Variants in ZNF608 observed in about 807,000 individuals in gnomAD.
The protein encoded by ZNF608 is zinc finger protein 608.
A neutral mutation model predicts 109.0 loss-of-function variants in ZNF608; 12 were observed. The ratio of observed to expected loss-of-function variants is 0.11; its 90% CI spans 0.07 to 0.18. ZNF608 has a LOEUF of 0.18. Among genes scored for constraint, ZNF608 ranks in the 10% least tolerant of loss-of-function variants. The pLI, the probability that ZNF608 is intolerant of heterozygous loss-of-function variation, is 1.00. For synonymous variants in ZNF608, 732 were observed against 717.4 expected (o/e 1.02, Z -0.33); for missense variants, 1,707 against 1,879.3 (o/e 0.91, Z 1.70).
intron 2 of ZNF608, among the ~76,000 whole-genome samples, chr5:124,721,123 C>T (rs1439858803): frequency 6.6e-6 from 1 of 152,114 alleles, no homozygotes; most frequent in Non-Finnish European, 1.5e-5. Context: ...ACTCAATAGG[C>T]ATGCTCTACC....
chr5:124,642,441 C>T (rs560421946), intron 7 of ZNF608, among the ~76,000 whole-genome samples: 14 of 152,278 alleles, frequency 9.2e-5, no homozygotes, highest in East Asian at 1.9e-4. Flanking sequence ...TTACATGTCA[C>T]GGGCACTCAG....
At chr5:124,681,816 A>C (rs1295361996) in intron 3 of ZNF608, among the ~76,000 whole-genome samples, 1 of 152,146 alleles carries the variant, frequency 6.6e-6, no homozygotes, top group Non-Finnish European at 1.5e-5. Context: ...GAAAAGATGA[A>C]AGTTTCTGGG....
At chr5:124,709,476 A>G in intron 2 of ZNF608, among the ~76,000 whole-genome samples, 1 of 152,200 alleles carries the variant, frequency 6.6e-6, no homozygotes, top group East Asian at 1.9e-4. Context: ...TTATGAAGCC[A>G]AATTAAATTC....
At chr5:124,643,746 G>C in intron 6 of ZNF608, 63 bp from the exon 7 acceptor site, 1 of 1,549,488 alleles carries the variant, frequency 6.5e-7, no homozygotes, top group Non-Finnish European at 8.8e-7. Flanking sequence ...AAATCATTTG[G>C]GTTACATGAA....
At chr5:124,703,429 G>A (rs922165774) in intron 2 of ZNF608, among the ~76,000 whole-genome samples, 1 of 152,084 alleles carries the variant, frequency 6.6e-6, no homozygotes, top group Non-Finnish European at 1.5e-5. Context: ...TATGACCCTG[G>A]AGAGTCATTC....
At chr5:124,645,626 G>T (rs1750462552) in intron 5 of ZNF608, among the ~76,000 whole-genome samples, 1 of 152,102 alleles carries the variant, frequency 6.6e-6, no homozygotes, top group Admixed American at 6.5e-5. Flanking sequence ...ATGCTCACGG[G>T]GTTGCAGTGG....
At position 124,647,091 on chromosome 5, in the gene ZNF608, C is replaced by A; in HGVS notation, c.3293G>T (p.Ser1098Ile). The A allele has an allele frequency of 6.2e-7, 1 of 1,614,106 alleles. No individual in the cohort carries two copies. ...YMDQKSLMAT[S>I]PAYRQQYEKY... The stretch of plus-strand genomic sequence containing the variant: ...CTCATACTGCTGTCTATAGGCAGGG[C>A]TGGTGGCCATCAGAGACTTCTGGTC... The change falls in exon 5 of 10, where the codon AGC (serine) becomes ATC (isoleucine). Residue 1098 changes from serine to isoleucine, a missense_variant. Physicochemically the swap from Ser to Ile is moderately radical, Grantham distance 142. This residue lies in a region of ZNF608 where 1,073 missense variants were observed against 1,133.5 expected (regional missense o/e 0.95). Transcript: ENST00000513986.
chr5:124,675,476 G>A (rs1016856654), intron 3 of ZNF608, among the ~76,000 whole-genome samples: 3 of 152,146 alleles, frequency 2.0e-5, no homozygotes, highest in African/African-American at 7.2e-5. Flanking sequence ...GGCTAGTATG[G>A]CCAGTGGCAG....
intron 2 of ZNF608, among the ~76,000 whole-genome samples, chr5:124,728,328 A>C (rs1748714575): frequency 6.6e-6 from 1 of 152,220 alleles, no homozygotes; most frequent in Non-Finnish European, 1.5e-5. Flanking sequence ...CTTTAGGTGG[A>C]TAGGAACATA....
At chr5:124,686,769 C>G (rs1244359287) in intron 3 of ZNF608, among the ~76,000 whole-genome samples, 1 of 152,206 alleles carries the variant, frequency 6.6e-6, no homozygotes. Flanking sequence ...TGTCTGTCAA[C>G]ATGGATATGA....
intron 2 of ZNF608, among the ~76,000 whole-genome samples, chr5:124,723,396 A>T (rs1264089179): frequency 6.6e-6 from 1 of 152,210 alleles, no homozygotes; most frequent in Non-Finnish European, 1.5e-5. Context: ...GTTAATAAAT[A>T]AAAATGTTTG....
chr5:124,729,655 G>A (rs1047920881), intron 2 of ZNF608, among the ~76,000 whole-genome samples: 1 of 152,126 alleles, frequency 6.6e-6, no homozygotes, highest in South Asian at 2.1e-4. Flanking sequence ...ATATCTATGT[G>A]TGTTTATAAA....
At chr5:124,699,734 A>G (rs1266956172) in intron 3 of ZNF608, among the ~76,000 whole-genome samples, 1 of 152,214 alleles carries the variant, frequency 6.6e-6, no homozygotes, top group African/African-American at 2.4e-5. Flanking sequence ...GCTGTTTTCT[A>G]TCTTTTAAGA....
intron 3 of ZNF608, among the ~76,000 whole-genome samples, chr5:124,671,641 CTT>C (rs66998925): frequency 1.4e-3 from 177 of 129,708 alleles, no homozygotes; most frequent in Middle Eastern, 4.1e-3. Context: ...TGGGGCTTCT[CTT>C]TTTTTTTTTT....
rs535555616 is a variant in ZNF608, at chr5:124,642,047, T to C, written c.4297-642A>G. ...AACCACCCTTTAACTAAAGTTATAC[T>C]TCTCACTTAAAAGAAATCCTTGTAC... On this transcript the variant is annotated intron_variant, in intron 7 of 9. Coordinates refer to ENST00000513986, the MANE Select transcript of ZNF608 (RefSeq NM_020747.3). Among the ~76,000 whole-genome samples, 5 of 152,350 alleles carry C rather than the reference T, an allele frequency of 3.3e-5. No homozygotes were observed. In the South Asian group the frequency reaches 1.0e-3, roughly 32 times the overall value.
Position 124,648,830 on chromosome 5 carries a change from C to A in ZNF608, c.1554G>T (p.Lys518Asn). ...LDLNSSSEDN[K>N]PGKRVRTNSR... The stretch of plus-strand genomic sequence containing the variant: ...AATTTGTGCGGACACGCTTTCCAGG[C>A]TTATTGTCCTCAGAGCTGGAGTTCA... The change falls in exon 5 of 10, where the codon AAG (lysine) becomes AAT (asparagine). Residue 518 changes from lysine to asparagine, a missense_variant. Transcript: ENST00000513986. 6.2e-7 allele frequency: 1 copy of A among 1,614,124 alleles called. No individual in the cohort carries two copies. Among genetic ancestry groups the A allele is most frequent in the Admixed American group, 1.7e-5 (1 of 60,034 alleles).
At chr5:124,729,353 T>A (rs1204718135) in intron 2 of ZNF608, among the ~76,000 whole-genome samples, 1 of 152,108 alleles carries the variant, frequency 6.6e-6, no homozygotes, top group Non-Finnish European at 1.5e-5. Flanking sequence ...AGGTCCTGAG[T>A]GAGAGGGACA....
chr5:124,711,076 A>G (rs1753469387), intron 2 of ZNF608, among the ~76,000 whole-genome samples: 2 of 152,326 alleles, frequency 1.3e-5, no homozygotes, highest in South Asian at 4.1e-4. Flanking sequence ...AATGAGGTCT[A>G]TCATGCCCCC....
At chr5:124,738,405 C>A (rs958590925) in intron 2 of ZNF608, among the ~76,000 whole-genome samples, 1 of 152,074 alleles carries the variant, frequency 6.6e-6, no homozygotes, top group African/African-American at 2.4e-5. Context: ...CAAGCAAAAC[C>A]CTTGATGTTC....
Sources: gnomAD v4.1 joint callset for allele counts (sites outside exome capture counted in the v4.1 genomes callset) on GRCh38, gnomAD v4.1.1 for gene constraint, gnomAD v4.1.1 regional missense constraint, MANE v1.5 for transcripts, NCBI Gene and HGNC (gene_info 2026-07-23, HGNC 2026-07-21) for gene names.